The following NOX4 variants were observed in gnomAD, a reference collection of about 807,000 sequenced individuals.
The protein encoded by NOX4 is kidney oxidase-1.
Under a neutral mutation model 87.6 loss-of-function variants are expected in NOX4, and 69 were observed. The observed-to-expected ratio is 0.79, with a 90% CI of 0.65 to 0.96. The LOEUF (loss-of-function observed/expected upper bound fraction) is 0.96, where lower values mean the gene tolerates loss of function less well. NOX4 is among the 40% of genes least tolerant of loss of function. NOX4 has a pLI of 0.00. For synonymous variants in NOX4, 275 were observed against 238.2 expected, an observed-to-expected ratio of 1.15 and a Z score of -1.42; for missense variants, 680 against 681.5, an observed-to-expected ratio of 1.00 and a Z score of 0.02.
the NOX4 span, among the ~76,000 whole-genome samples, chr11:89,514,573 C>T: frequency 6.6e-6 from 1 of 151,866 alleles, no homozygotes; most frequent in Non-Finnish European, 1.5e-5. Flanking sequence ...TAACCTTGTC[C>T]TGATCATAGG....
At chr11:89,521,920 C>T in the NOX4 span, among the ~76,000 whole-genome samples, 24 of 152,000 alleles carry the variant, frequency 1.6e-4, no homozygotes, top group East Asian at 1.4e-3. Flanking sequence ...AGCCAACAAA[C>T]GAAAAATGCT....
the NOX4 span, among the ~76,000 whole-genome samples, chr11:89,505,056 C>T: frequency 1.3e-5 from 2 of 152,100 alleles, no homozygotes; most frequent in South Asian, 2.1e-4. Context: ...GGAATTTCTG[C>T]TTTCTTGCCT....
chr11:89,460,472 AC>A (rs1945406337), intron 2 of NOX4, among the ~76,000 whole-genome samples: 1 of 152,216 alleles, frequency 6.6e-6, no homozygotes, highest in Non-Finnish European at 1.5e-5. Flanking sequence ...CAAGAAAAAA[AC>A]AACCCCATCA....
chr11:89,417,064 T>A (rs1942823418), intron 8 of NOX4, among the ~76,000 whole-genome samples: 1 of 152,072 alleles, frequency 6.6e-6, no homozygotes, highest in African/African-American at 2.4e-5. Flanking sequence ...AATAAAGACA[T>A]AAAATACAAT....
chr11:89,512,470 T>A, the NOX4 span, among the ~76,000 whole-genome samples: 4 of 152,096 alleles, frequency 2.6e-5, no homozygotes, highest in African/African-American at 4.8e-5. Flanking sequence ...TTCTATTCTC[T>A]GATTCTATGA....
At chr11:89,439,603 C>T (rs1298769867) in intron 6 of NOX4, among the ~76,000 whole-genome samples, 1 of 152,110 alleles carries the variant, frequency 6.6e-6, no homozygotes, top group East Asian at 1.9e-4. Context: ...TTGGGTATTA[C>T]ACCCAACAAT....
At chr11:89,528,304 C>A in the NOX4 span, among the ~76,000 whole-genome samples, 2 of 152,086 alleles carry the variant, frequency 1.3e-5, no homozygotes, top group African/African-American at 4.8e-5. Flanking sequence ...TCAGGCAGGA[C>A]TTTGGACTTG....
chr11:89,464,550 C>G (rs892671108), intron 2 of NOX4, among the ~76,000 whole-genome samples: 2 of 152,142 alleles, frequency 1.3e-5, no homozygotes, highest in African/African-American at 4.8e-5. Flanking sequence ...ATAAGCTTCA[C>G]AAGCATCAGT....
At chr11:89,513,700 T>C in the NOX4 span, among the ~76,000 whole-genome samples, 4 of 152,020 alleles carry the variant, frequency 2.6e-5, no homozygotes, top group African/African-American at 7.2e-5. Flanking sequence ...TTATATTTTA[T>C]TTAATCCTCA....
chr11:89,392,813 T>A lies in NOX4; in HGVS notation c.1074+7204A>T, dbSNP rs921632223. 1.2e-3 allele frequency among the ~76,000 whole-genome samples: 176 copies of A among 152,154 alleles called. 10 individuals carry two copies. The highest frequency in any genetic ancestry group is 2.9e-5 in the Non-Finnish European group (2 of 68,016). ...GAGCTCATGGTAACCAAAATAATTT[T>A]CATGGAATTCCAAAAAGGATTCAAG... On this transcript the variant is annotated intron_variant, in intron 11 of 17. Coordinates refer to ENST00000263317, the MANE Select transcript of NOX4 (RefSeq NM_016931.5).
chr11:89,578,429 C>T, the NOX4 span, among the ~76,000 whole-genome samples: 101 of 152,230 alleles, frequency 6.6e-4, 1 homozygote, highest in South Asian at 5.6e-3. Flanking sequence ...CTAAGGAGGC[C>T]TCCCTCGGAT....
At chr11:89,454,246 A>T (rs554420517) in intron 2 of NOX4, among the ~76,000 whole-genome samples, 43 of 152,120 alleles carry the variant, frequency 2.8e-4, no homozygotes, top group Non-Finnish European at 5.7e-4. Flanking sequence ...TATTTCTAAA[A>T]TGTTTTAATA....
At chr11:89,564,549 C>T in the NOX4 span, among the ~76,000 whole-genome samples, 1 of 152,072 alleles carries the variant, frequency 6.6e-6, no homozygotes, top group South Asian at 2.1e-4. Flanking sequence ...ATCCAAACCA[C>T]ATCATGAACC....
intron 2 of NOX4, among the ~76,000 whole-genome samples, chr11:89,464,744 A>G (rs1162453516): frequency 6.6e-6 from 1 of 152,220 alleles, no homozygotes; most frequent in Non-Finnish European, 1.5e-5. Flanking sequence ...TATCTAAGAT[A>G]CATAATCAAC....
At chr11:89,409,949 C>G (rs1942388405) in intron 8 of NOX4, among the ~76,000 whole-genome samples, 1 of 152,022 alleles carries the variant, frequency 6.6e-6, no homozygotes, top group Admixed American at 6.6e-5. Context: ...TGGGTCTGAG[C>G]ATGCTGGATC....
intron 6 of NOX4, 92 bp downstream of exon 6, chr11:89,440,596 A>T (rs1591261765): frequency 1.3e-6 from 1 of 775,204 alleles, no homozygotes; most frequent in East Asian, 3.1e-5. Flanking sequence ...AAGTGCTGGG[A>T]ATACAGGCAT....
At chr11:89,362,991 G>T (rs574792521) in intron 12 of NOX4, among the ~76,000 whole-genome samples, 3 of 152,192 alleles carry the variant, frequency 2.0e-5, no homozygotes, top group South Asian at 4.1e-4. Flanking sequence ...TTCTTCATGG[G>T]CTAAAGGTCT....
chr11:89,542,283 G>A, the NOX4 span, among the ~76,000 whole-genome samples: 10 of 152,210 alleles, frequency 6.6e-5, no homozygotes, highest in Admixed American at 2.0e-4. Context: ...ATTATAAAAC[G>A]AAAATATTAT....
chr11:89,402,384 T>G lies in NOX4; in HGVS notation c.788A>C (p.Gln263Pro), dbSNP rs769979424. The change falls in exon 9 of 18, where the codon CAG (glutamine) becomes CCG (proline). Residue 263 changes from glutamine (Q) to proline (P), a missense_variant. Coordinates refer to ENST00000263317, the MANE Select transcript of NOX4 (RefSeq NM_016931.5). ...CATACAAATCTTCACAAATTTGTGC[T>G]GGGTAAACTCTGCCGGTTTTGAAAA... ...EGFSKPAEFTQHKFVKICMEE... is the reference protein window; with the variant it reads ...EGFSKPAEFTPHKFVKICMEE... 1 of 1,613,378 alleles carries G rather than the reference T, an allele frequency of 6.2e-7. No homozygotes were observed. The highest frequency in any genetic ancestry group is 8.5e-7 in the Non-Finnish European group (1 of 1,179,694).
Sources: gnomAD v4.1 joint callset for allele counts (sites outside exome capture counted in the v4.1 genomes callset) on GRCh38, gnomAD v4.1.1 for gene constraint, MANE v1.5 for transcripts, NCBI Gene and HGNC (gene_info 2026-07-23, HGNC 2026-07-21) for gene names.